Variants in HS6ST3 observed in about 807,000 individuals in gnomAD.
HS6ST3 encodes the protein heparan-sulfate 6-O-sulfotransferase 3.
HS6ST3 carries 12 observed loss-of-function variants against 36.7 expected under a neutral mutation model. That is an observed-to-expected ratio of 0.33 (90% CI 0.21 to 0.53). HS6ST3 has a LOEUF of 0.53. HS6ST3 is among the 20% of genes least tolerant of loss of function. The pLI, the probability that HS6ST3 is intolerant of heterozygous loss-of-function variation, is 0.95. For synonymous variants in HS6ST3, 240 were observed against 257.5 expected, an observed-to-expected ratio of 0.93 and a Z score of 0.65; for missense variants, 584 against 640.9, an observed-to-expected ratio of 0.91 and a Z score of 0.96.
intron 1 of HS6ST3, among the ~76,000 whole-genome samples, chr13:96,292,810 G>A (rs1290698408): frequency 1.3e-5 from 2 of 152,054 alleles, no homozygotes; most frequent in African/African-American, 2.4e-5. Context: ...CAAGTTTTCT[G>A]TTTTATTCCA....
intron 1 of HS6ST3, among the ~76,000 whole-genome samples, chr13:96,350,613 A>G (rs2055176963): frequency 6.6e-6 from 1 of 152,216 alleles, no homozygotes; most frequent in African/African-American, 2.4e-5. Flanking sequence ...TCTGTTAGAC[A>G]TAGATAAGGA....
intron 1 of HS6ST3, among the ~76,000 whole-genome samples, chr13:96,427,943 A>C (rs544752968): frequency 6.6e-6 from 1 of 152,188 alleles, no homozygotes; most frequent in Non-Finnish European, 1.5e-5. Flanking sequence ...GATTGAGTTT[A>C]GGCATTTTTG....
At chr13:96,497,535 T>C (rs1463217990) in intron 1 of HS6ST3, among the ~76,000 whole-genome samples, 1 of 152,042 alleles carries the variant, frequency 6.6e-6, no homozygotes, top group African/African-American at 2.4e-5. Context: ...TTTCATGGAG[T>C]AGACAGATGC....
At chr13:96,545,787 G>A (rs1022103847) in intron 1 of HS6ST3, among the ~76,000 whole-genome samples, 5 of 152,090 alleles carry the variant, frequency 3.3e-5, no homozygotes, top group South Asian at 2.1e-4. Context: ...AGGAAAATCC[G>A]ATAGCTACTT....
At chr13:96,659,813 T>C (rs1286718888) in intron 1 of HS6ST3, among the ~76,000 whole-genome samples, 1 of 152,118 alleles carries the variant, frequency 6.6e-6, no homozygotes, top group East Asian at 1.9e-4. Flanking sequence ...TTCATGTGTG[T>C]ACATCTATTT....
chr13:96,474,844 A>T (rs1272312793), intron 1 of HS6ST3, among the ~76,000 whole-genome samples: 3 of 152,342 alleles, frequency 2.0e-5, no homozygotes, highest in Middle Eastern at 3.4e-3. Flanking sequence ...TGTCTGTATT[A>T]AATTTTCAGA....
chr13:96,266,215 G>T (rs2054691730), intron 1 of HS6ST3, among the ~76,000 whole-genome samples: 1 of 152,130 alleles, frequency 6.6e-6, no homozygotes, highest in Admixed American at 6.5e-5. Context: ...CCCCTTCACT[G>T]GGCGCCTCAG....
intron 1 of HS6ST3, among the ~76,000 whole-genome samples, chr13:96,637,611 G>T (rs1437073361): frequency 6.6e-6 from 1 of 152,026 alleles, no homozygotes; most frequent in South Asian, 2.1e-4. Context: ...ATAATTAAGA[G>T]CAAGGCCTTA....
intron 1 of HS6ST3, among the ~76,000 whole-genome samples, chr13:96,648,124 G>A (rs984868786): frequency 2.6e-5 from 4 of 152,058 alleles, no homozygotes; most frequent in Admixed American, 2.0e-4. Context: ...AATTGGCCAT[G>A]ATGGAGCTTT....
chr13:96,754,592 G>A (rs1876778544), intron 1 of HS6ST3, among the ~76,000 whole-genome samples: 1 of 152,162 alleles, frequency 6.6e-6, no homozygotes, highest in African/African-American at 2.4e-5. Flanking sequence ...TAAAAGAAAA[G>A]TTGATGAGAG....
intron 1 of HS6ST3, among the ~76,000 whole-genome samples, chr13:96,333,097 C>A (rs2055080745): frequency 6.6e-6 from 1 of 152,162 alleles, no homozygotes; most frequent in African/African-American, 2.4e-5. Context: ...GCTACTCAGC[C>A]TTTGAGATTT....
At chr13:96,740,821 G>T (rs953714226) in intron 1 of HS6ST3, among the ~76,000 whole-genome samples, 8 of 152,150 alleles carry the variant, frequency 5.3e-5, no homozygotes, top group Non-Finnish European at 1.2e-4. Flanking sequence ...TTCTAAGGGG[G>T]AGACAGAAGT....
chr13:96,389,388 T>C (rs1352417599), intron 1 of HS6ST3, among the ~76,000 whole-genome samples: 2 of 152,144 alleles, frequency 1.3e-5, no homozygotes, highest in Non-Finnish European at 2.9e-5. Flanking sequence ...CAATAAAATT[T>C]ATTTAAAAAA....
chr13:96,134,358 A>AT (rs995785693), intron 1 of HS6ST3, among the ~76,000 whole-genome samples: 25 of 150,976 alleles, frequency 1.7e-4, no homozygotes, highest in African/African-American at 5.8e-4. Context: ...CACTTGTGTT[A>AT]TTTTTTTACC....
intron 1 of HS6ST3, among the ~76,000 whole-genome samples, chr13:96,778,755 G>C (rs990815551): frequency 3.9e-5 from 6 of 152,178 alleles, no homozygotes; most frequent in Non-Finnish European, 8.8e-5. Context: ...TGTGGAAGAA[G>C]TGTGGCGATT....
chr13:96,399,527 A>C (rs1158696279), intron 1 of HS6ST3, among the ~76,000 whole-genome samples: 1 of 152,232 alleles, frequency 6.6e-6, no homozygotes, highest in East Asian at 1.9e-4. Flanking sequence ...GATGGCCTTA[A>C]TTTATATAAA....
chr13:96,666,013 A>G (rs1203113895), intron 1 of HS6ST3, among the ~76,000 whole-genome samples: 2 of 152,206 alleles, frequency 1.3e-5, no homozygotes, highest in Admixed American at 1.3e-4. Context: ...TGGTGCTAAT[A>G]AAGACATACC....
At chr13:96,157,566 A>G (rs2054116068) in intron 1 of HS6ST3, among the ~76,000 whole-genome samples, 1 of 152,230 alleles carries the variant, frequency 6.6e-6, no homozygotes. Flanking sequence ...TCAAGAAAGC[A>G]ACAGTAAGCA....
chr13:96,700,133 C>G (rs1431015831), intron 1 of HS6ST3, among the ~76,000 whole-genome samples: 1 of 152,168 alleles, frequency 6.6e-6, no homozygotes, highest in Admixed American at 6.6e-5. Flanking sequence ...CTGATGAAGA[C>G]AAACCTGAGA....
Sources: allele counts gnomAD v4.1 joint callset (sites outside exome capture counted in the v4.1 genomes callset), GRCh38; gene constraint gnomAD v4.1.1; transcripts MANE v1.5; gene names NCBI Gene and HGNC (gene_info 2026-07-23, HGNC 2026-07-21).